N4BP2: variants seen among roughly 807,000 people sequenced by gnomAD.
N4BP2 encodes NEDD4-binding protein 2.
In N4BP2, 91 loss-of-function variants were observed where a neutral mutation model predicts 152.8. The observed-to-expected ratio is 0.60, with a 90% CI of 0.50 to 0.71. The LOEUF is 0.71. Ranked by LOEUF, N4BP2 falls within the 30% of genes least tolerant of loss-of-function variation. N4BP2 has a pLI of 0.00. For missense variants in N4BP2, 1,923 were observed against 2,059.1 expected (o/e 0.93, Z 1.28); for synonymous variants, 646 against 705.3 (o/e 0.92, Z 1.33).
chr4:40,101,518 T>G (rs961727150), intron 3 of N4BP2, among the ~76,000 whole-genome samples: 2 of 152,248 alleles, frequency 1.3e-5, no homozygotes, highest in African/African-American at 4.8e-5. Context: ...ATAATTGTTT[T>G]AAATCTCTAT....
At chr4:40,115,771 G>A (rs773831222) in intron 7 of N4BP2, among the ~76,000 whole-genome samples, 9 of 152,050 alleles carry the variant, frequency 5.9e-5, no homozygotes, top group Non-Finnish European at 8.8e-5. Flanking sequence ...GCCTAGTTAA[G>A]TGTTGATTTT....
In N4BP2 at chr4:40,122,299, T is replaced by C. The variant is rs1718013798; in HGVS notation, c.4188T>C (p.Gly1396=). Residue 1396 remains glycine, a synonymous_variant, in exon 9 of 18, where the codon GGT becomes GGC. Transcript: ENST00000261435. ...TTAATGAATTATTTGGTCCTGTTGGTATTGATTCAGGTAAGGAAAAAGTAA... is the reference window on the plus strand; with the variant it reads ...TTAATGAATTATTTGGTCCTGTTGGCATTGATTCAGGTAAGGAAAAAGTAA... ...FQLNELFGPV[G]IDSGSLTVED... is the part of the protein sequence containing the mutation. 1 of 1,567,200 alleles carries C rather than the reference T, an allele frequency of 6.4e-7. No individual in the cohort carries two copies. Among genetic ancestry groups the C allele is most frequent in the Non-Finnish European group, 8.7e-7 (1 of 1,152,334 alleles).
chr4:40,153,655 T>G (rs745424930), intron 17 of N4BP2, among the ~76,000 whole-genome samples: 5 of 152,332 alleles, frequency 3.3e-5, no homozygotes, highest in Middle Eastern at 3.4e-3. Context: ...GTTATTTGGC[T>G]ACATTATCGA....
chr4:40,061,781 C>G (rs1468902625), intron 1 of N4BP2, among the ~76,000 whole-genome samples: 1 of 151,952 alleles, frequency 6.6e-6, no homozygotes, highest in Admixed American at 6.6e-5. Context: ...TCTCCTGCCT[C>G]AGCCTCCCGA....
Position 40,120,076 on chromosome 4 carries a change from T to A in N4BP2, c.1965T>A (p.Asn655Lys), listed in dbSNP as rs1442818400. 1.2e-6 allele frequency: 2 copies of A among 1,612,240 alleles called. No homozygotes were observed. Among genetic ancestry groups the A allele is most frequent in the Admixed American group, 3.4e-5 (2 of 59,694 alleles). ...MLPENVAYLS[N>K]ADLNKRRKEI... Reference sequence around the variant, plus strand: ...CTGAGAATGTTGCATATCTCTCTAATGCAGATTTAAACAAAAGAAGAAAAG... The same window carrying A: ...CTGAGAATGTTGCATATCTCTCTAAAGCAGATTTAAACAAAAGAAGAAAAG... The change falls in exon 9 of 18, where the codon AAT (asparagine) becomes AAA (lysine). Residue 655 changes from asparagine (N) to lysine (K), a missense_variant. Coordinates refer to ENST00000261435, the MANE Select transcript of N4BP2 (RefSeq NM_018177.6).
chr4:40,174,794 G>A, the N4BP2 span, among the ~76,000 whole-genome samples: 3 of 151,754 alleles, frequency 2.0e-5, no homozygotes, highest in South Asian at 6.2e-4. Context: ...AGAGTGAGAT[G>A]CTGTCACAAA....
At chr4:40,134,992 C>T (rs1355042059) in intron 13 of N4BP2, among the ~76,000 whole-genome samples, 1 of 122,550 alleles carries the variant, frequency 8.2e-6, no homozygotes, top group Non-Finnish European at 1.7e-5. Flanking sequence ...TACATGTGCA[C>T]AATGTGCAGG....
At chr4:40,142,138 G>C (rs530725627) in intron 14 of N4BP2, 101 of 163,526 alleles carry the variant, frequency 6.2e-4, no homozygotes, top group African/African-American at 2.2e-3. Flanking sequence ...GAGAGGGGGA[G>C]GGGGAGGGAG....
chr4:40,160,299 G>A (rs185261521), downstream of N4BP2, among the ~76,000 whole-genome samples: 29 of 152,300 alleles, frequency 1.9e-4, no homozygotes, highest in Admixed American at 1.4e-3. Context: ...ATGTACAGAT[G>A]GTCTCCCACT....
At chr4:40,154,127 A>G (rs1721409542) in intron 17 of N4BP2, 65 bp from the exon 18 acceptor site, 1 of 1,097,456 alleles carries the variant, frequency 9.1e-7, no homozygotes, top group African/African-American at 1.6e-5. Flanking sequence ...AATTGATTAC[A>G]AGGTATATTC....
rs1351455708 is a variant in N4BP2, at chr4:40,097,331, G to T, written c.-10G>T. ...AAGAAAAGGGAAACATTTTAGTTTT[G>T]GAAGTCAGAATGCCAAGGAGAAGGA... On this transcript the variant is annotated 5_prime_UTR_variant, in exon 3 of 18. Coordinates refer to ENST00000261435, the MANE Select transcript of N4BP2 (RefSeq NM_018177.6). 1 of 1,607,050 alleles carries T rather than the reference G, an allele frequency of 6.2e-7. No individual in the cohort carries two copies. The highest frequency in any genetic ancestry group is 1.3e-5 in the African/African-American group (1 of 74,840).
At chr4:40,115,863 T>C (rs1717294031) in intron 7 of N4BP2, among the ~76,000 whole-genome samples, 1 of 152,176 alleles carries the variant, frequency 6.6e-6, no homozygotes, top group Non-Finnish European at 1.5e-5. Flanking sequence ...TTATTGTTAC[T>C]CATATCTCCT....
intron 16 of N4BP2, among the ~76,000 whole-genome samples, chr4:40,146,760 C>G (rs1397833072): frequency 6.6e-6 from 1 of 151,942 alleles, no homozygotes; most frequent in Non-Finnish European, 1.5e-5. Flanking sequence ...CACATTAGCT[C>G]AGCAGAATGT....
chr4:40,134,700 G>T (rs1719197396), intron 13 of N4BP2, among the ~76,000 whole-genome samples: 1 of 152,224 alleles, frequency 6.6e-6, no homozygotes, highest in East Asian at 1.9e-4. Context: ...TTTGTGTTGA[G>T]CATATCTGAG....
chr4:40,093,838 G>C (rs748622286), intron 2 of N4BP2, among the ~76,000 whole-genome samples: 2 of 152,048 alleles, frequency 1.3e-5, no homozygotes, highest in Non-Finnish European at 2.9e-5. Flanking sequence ...GACCTCAGGC[G>C]ATCCACCCAC....
chr4:40,121,240 A>G lies in N4BP2; in HGVS notation c.3129A>G (p.Thr1043=). ...TTTCAGATTCTATCAAAGTATTAAC[A>G]GGAAGATTAGATGGATTTAAGCCGA... ...ISISDSIKVL[T]GRLDGFKPKV... The change falls in exon 9 of 18, where the codon ACA becomes ACG. Residue 1043 remains threonine (T), a synonymous_variant. Transcript: ENST00000261435. 1 of 1,613,422 alleles carries G rather than the reference A, an allele frequency of 6.2e-7. No homozygotes were observed.
chr4:40,103,350 G>T lies in N4BP2; in HGVS notation c.1373+132G>T, dbSNP rs192705852. On this transcript the variant is annotated intron_variant, in intron 4 of 17. Coordinates refer to ENST00000261435, the MANE Select transcript of N4BP2 (RefSeq NM_018177.6). ...CCTAAAATGTTTTCTTTTTACTAAG[G>T]TTTCCTAACTTTGTGTAGCTAATAA... 4 of 716,516 alleles carry T rather than the reference G, an allele frequency of 5.6e-6. No homozygotes were observed. The South Asian group carries it at 6.6e-5, about 12-fold the overall frequency. The allele number at this position is 716,516 out of a possible 1,614,324, so 44.4% of individuals were successfully genotyped here. A position where few individuals can be genotyped will look rare whatever the true frequency, so the allele number is the denominator to read the frequency against.
At position 40,097,336 on chromosome 4, in the gene N4BP2, T is replaced by G; in HGVS notation, c.-5T>G. On this transcript the variant is annotated 5_prime_UTR_variant, in exon 3 of 18. Transcript: ENST00000261435. ...AAGGGAAACATTTTAGTTTTGGAAG[T>G]CAGAATGCCAAGGAGAAGGAAAAAT... 6.2e-7 allele frequency: 1 copy of G among 1,610,722 alleles called. No homozygotes were observed. The highest frequency in any genetic ancestry group is 8.5e-7 in the Non-Finnish European group (1 of 1,177,484).
downstream of N4BP2, among the ~76,000 whole-genome samples, chr4:40,158,738 G>A (rs1355665883): frequency 6.6e-6 from 1 of 151,374 alleles, no homozygotes; most frequent in African/African-American, 2.4e-5. Flanking sequence ...GTGCCACTGA[G>A]CTCCAGCCTG....
Sources: gnomAD v4.1 joint callset for allele counts (sites outside exome capture counted in the v4.1 genomes callset) on GRCh38, gnomAD v4.1.1 for gene constraint, MANE v1.5 for transcripts, NCBI Gene and HGNC (gene_info 2026-07-23, HGNC 2026-07-21) for gene names.